The following SLC24A2 variants were observed in gnomAD, a reference collection of about 807,000 sequenced individuals.
SLC24A2 encodes sodium/potassium/calcium exchanger 2.
A neutral mutation model predicts 62.0 loss-of-function variants in SLC24A2; 36 were observed. The observed-to-expected ratio is 0.58, with a 90% CI of 0.44 to 0.77. The LOEUF (loss-of-function observed/expected upper bound fraction) is 0.77, where lower values mean the gene tolerates loss of function less well. SLC24A2 is among the 30% of genes least tolerant of loss of function. The pLI is 0.00. For missense variants in SLC24A2, 846 were observed against 817.9 expected (o/e 1.03, Z -0.42); for synonymous variants, 358 against 294.0 (o/e 1.22, Z -2.23).
the SLC24A2 span, among the ~76,000 whole-genome samples, chr9:20,296,093 A>T: frequency 1.3e-5 from 2 of 152,234 alleles, no homozygotes; most frequent in African/African-American, 4.8e-5. Flanking sequence ...ATAAAAGTTT[A>T]AAACTAATTA....
the SLC24A2 span, among the ~76,000 whole-genome samples, chr9:19,934,810 G>A: frequency 6.6e-6 from 1 of 152,134 alleles, no homozygotes; most frequent in Non-Finnish European, 1.5e-5. This position sits in a 1 kb window ranked among gnomAD's most constrained non-coding sequence, Gnocchi z 4.1. Context: ...GTGGCGGGGA[G>A]GGCAAGCGTG....
At chr9:19,638,428 G>A (rs1050116192) in intron 2 of SLC24A2, among the ~76,000 whole-genome samples, 1 of 152,076 alleles carries the variant, frequency 6.6e-6, no homozygotes, top group Non-Finnish European at 1.5e-5. Context: ...CTTTTTACCT[G>A]CTCTCTCTAT....
At chr9:19,987,459 T>C in the SLC24A2 span, among the ~76,000 whole-genome samples, 3 of 152,272 alleles carry the variant, frequency 2.0e-5, no homozygotes, top group African/African-American at 7.2e-5. Context: ...GAGTATTATA[T>C]AATATTAAGG....
intron 2 of SLC24A2, among the ~76,000 whole-genome samples, chr9:19,754,028 CA>C (rs1822059580): frequency 6.6e-6 from 1 of 152,106 alleles, no homozygotes. Context: ...TACAAAAAAG[CA>C]CACTTAAAAA....
At chr9:19,579,059 C>T (rs1836124069) in intron 5 of SLC24A2, among the ~76,000 whole-genome samples, 1 of 152,132 alleles carries the variant, frequency 6.6e-6, no homozygotes, top group Admixed American at 6.5e-5. Flanking sequence ...AGGCACGACT[C>T]CATCCATGAG....
intron 7 of SLC24A2, among the ~76,000 whole-genome samples, chr9:19,554,254 T>A (rs1834976208): frequency 6.6e-6 from 1 of 152,200 alleles, no homozygotes; most frequent in Admixed American, 6.5e-5. Flanking sequence ...ACCTGCTGCT[T>A]GGACTTCTAG....
chr9:20,264,397 C>A, the SLC24A2 span, among the ~76,000 whole-genome samples: 1 of 152,368 alleles, frequency 6.6e-6, no homozygotes, highest in South Asian at 2.1e-4. Flanking sequence ...AAGGTCAGGA[C>A]AGCTGCCCCT....
At chr9:19,731,399 T>C (rs1012137724) in intron 2 of SLC24A2, among the ~76,000 whole-genome samples, 11 of 152,124 alleles carry the variant, frequency 7.2e-5, no homozygotes, top group African/African-American at 1.9e-4. Flanking sequence ...TATTTGAAGA[T>C]AGTATAAAGA....
At chr9:19,802,042 C>A in the SLC24A2 span, among the ~76,000 whole-genome samples, 1 of 152,112 alleles carries the variant, frequency 6.6e-6, no homozygotes, top group African/African-American at 2.4e-5. Context: ...GTCATAGTAA[C>A]ATGATAAGCA....
chr9:20,287,343 TG>T, the SLC24A2 span, among the ~76,000 whole-genome samples: 82 of 152,198 alleles, frequency 5.4e-4, 1 homozygote, highest in South Asian at 0.016. Flanking sequence ...AACAGACCCA[TG>T]GGAGGCTGCG....
chr9:19,943,798 C>T, the SLC24A2 span, among the ~76,000 whole-genome samples: 81 of 152,288 alleles, frequency 5.3e-4, no homozygotes, highest in African/African-American at 1.9e-3. Flanking sequence ...TTCACTAATA[C>T]TTGAAAGCTA....
the SLC24A2 span, among the ~76,000 whole-genome samples, chr9:20,024,918 T>C: frequency 3.3e-5 from 5 of 152,154 alleles, no homozygotes; most frequent in Non-Finnish European, 4.4e-5. Flanking sequence ...AGAAAACCAT[T>C]GTAATTCAGC....
intron 2 of SLC24A2, among the ~76,000 whole-genome samples, chr9:19,759,310 T>G (rs1359822): frequency 6.6e-6 from 1 of 152,076 alleles, no homozygotes; most frequent in South Asian, 2.1e-4. Context: ...CAACAGATGG[T>G]GCCCAGCATT....
chr9:20,010,613 CT>C, the SLC24A2 span, among the ~76,000 whole-genome samples: 1 of 151,856 alleles, frequency 6.6e-6, no homozygotes, highest in African/African-American at 2.4e-5. Flanking sequence ...TAGACATTTT[CT>C]TTTTTTTAAT....
chr9:19,607,104 C>A (rs1837005063), intron 4 of SLC24A2, among the ~76,000 whole-genome samples: 1 of 152,196 alleles, frequency 6.6e-6, no homozygotes, highest in Admixed American at 6.5e-5. Context: ...GTGTAAATGC[C>A]TTTCATTTGG....
At chr9:20,172,363 T>C in the SLC24A2 span, among the ~76,000 whole-genome samples, 1 of 151,844 alleles carries the variant, frequency 6.6e-6, no homozygotes, top group Non-Finnish European at 1.5e-5. Context: ...CAGAATTTAA[T>C]GAAATTGAAA....
chr9:20,185,006 T>C, the SLC24A2 span, among the ~76,000 whole-genome samples: 2 of 152,020 alleles, frequency 1.3e-5, no homozygotes, highest in African/African-American at 2.4e-5. Flanking sequence ...GAAAAACAAA[T>C]ACTCCATGAT....
the SLC24A2 span, among the ~76,000 whole-genome samples, chr9:20,177,365 T>C: frequency 6.6e-6 from 1 of 152,154 alleles, no homozygotes; most frequent in East Asian, 1.9e-4. Context: ...TAGAAAGAAA[T>C]ATCCTTTTCC....
intron 2 of SLC24A2, among the ~76,000 whole-genome samples, chr9:19,767,972 G>GC (rs1285486200): frequency 1.3e-5 from 2 of 152,124 alleles, no homozygotes; most frequent in African/African-American, 4.8e-5. Flanking sequence ...GCAGCATGGG[G>GC]CATCGCATGG....
Sources: allele counts gnomAD v4.1 joint callset (sites outside exome capture counted in the v4.1 genomes callset), GRCh38; gene constraint gnomAD v4.1.1; non-coding constraint Gnocchi (gnomAD v3.1); transcripts MANE v1.5; gene names NCBI Gene and HGNC (gene_info 2026-07-23, HGNC 2026-07-21).